Variants in DCHS2 observed in about 807,000 individuals in gnomAD.
The protein encoded by DCHS2 is protocadherin-23.
DCHS2 carries 142 observed loss-of-function variants against 182.4 expected under a neutral mutation model. That is an observed-to-expected ratio of 0.78 (90% CI 0.68 to 0.89). The LOEUF (loss-of-function observed/expected upper bound fraction) is 0.89, where lower values mean the gene tolerates loss of function less well. Among genes scored for constraint, DCHS2 ranks in the 40% least tolerant of loss-of-function variants. The pLI is 0.00. For missense variants in DCHS2, 4,319 were observed against 4,198.6 expected (o/e 1.03, Z -0.79); for synonymous variants, 1,740 against 1,663.3 (o/e 1.05, Z -1.12).
At chr4:154,426,482 G>T (rs1209883470) in intron 1 of DCHS2, among the ~76,000 whole-genome samples, 2 of 152,066 alleles carry the variant, frequency 1.3e-5, no homozygotes, top group African/African-American at 4.8e-5. Context: ...ACAGGTCTCC[G>T]CATAAGGTTA....
At chr4:154,453,634 C>A (rs965230860) in intron 1 of DCHS2, among the ~76,000 whole-genome samples, 1 of 152,112 alleles carries the variant, frequency 6.6e-6, no homozygotes, top group Admixed American at 6.6e-5. Context: ...TTTCAAAGCT[C>A]TATTCAGTCT....
chr4:154,259,818 A>C (rs1732890333), intron 14 of DCHS2, 62 bp from the exon 15 acceptor site: 7 of 1,439,342 alleles, frequency 4.9e-6, no homozygotes, highest in Non-Finnish European at 5.5e-6. Context: ...TTTATTTTTT[A>C]TTTTATTTAT....
At chr4:154,406,943 A>T (rs1732425416) in intron 1 of DCHS2, among the ~76,000 whole-genome samples, 1 of 152,232 alleles carries the variant, frequency 6.6e-6, no homozygotes, top group Non-Finnish European at 1.5e-5. Context: ...AAAAGAAAAA[A>T]GATGCCACAT....
chr4:154,470,309 C>A (rs116409098), intron 1 of DCHS2, among the ~76,000 whole-genome samples: 8,654 of 152,038 alleles, frequency 0.057, 317 homozygotes, highest in Non-Finnish European at 0.086. Context: ...CAAAGCAATA[C>A]CCCATCTGTA....
Position 154,236,153 on chromosome 4 carries a change from A to G in DCHS2, c.8499T>C (p.Asp2833=). The G allele has an allele frequency of 6.2e-7, 1 of 1,613,848 alleles. No individual in the cohort carries two copies. The highest frequency in any genetic ancestry group is 8.5e-7 in the Non-Finnish European group (1 of 1,179,960). The change falls in exon 20 of 20, where the codon GAT becomes GAC. Residue 2833 remains aspartate, a synonymous_variant. Transcript: ENST00000357232. ...AGTCAAGGATTTGCTTAGCATGAAT[A>G]TCCCCTGTCAAAGGGTCAATGAGGA... ...DLFLIDPLTG[D]IHAKQILDYE...
Position 154,490,748 on chromosome 4 carries a change from C to A in DCHS2, c.608G>T (p.Gly203Val), listed in dbSNP as rs929554474. 6.4e-7 allele frequency: 1 copy of A among 1,551,642 alleles called. No individual in the cohort carries two copies. The highest frequency in any genetic ancestry group is 8.7e-7 in the Non-Finnish European group (1 of 1,146,930). ...GTCGGACGGTTGCACCAGGGTGTAGCCCTGAGTGCTGAACAGTCCGGCGTC... is the reference window on the plus strand; with the variant it reads ...GTCGGACGGTTGCACCAGGGTGTAGACCTGAGTGCTGAACAGTCCGGCGTC... ...DPDAGLFSTQ[G>V]YTLVQPSDLP... The change falls in exon 1 of 20, where the codon GGC becomes GTC. Residue 203 changes from glycine to valine, a missense_variant. By Grantham distance (109) the Gly-to-Val change is moderately radical. Coordinates refer to ENST00000357232, the MANE Select transcript of DCHS2 (RefSeq NM_001358235.2).
chr4:154,371,226 T>C (rs538649551), intron 2 of DCHS2, among the ~76,000 whole-genome samples: 56 of 149,978 alleles, frequency 3.7e-4, no homozygotes, highest in African/African-American at 1.3e-3. Context: ...AGAGGAGAAG[T>C]ATCTATGGTA....
intron 13 of DCHS2, among the ~76,000 whole-genome samples, chr4:154,292,098 T>A (rs1734694781): frequency 6.6e-6 from 1 of 152,142 alleles, no homozygotes; most frequent in African/African-American, 2.4e-5. Context: ...CCTGCATAAA[T>A]TAAAAATTAA....
At chr4:154,382,837 T>C (rs1243144434) in intron 1 of DCHS2, among the ~76,000 whole-genome samples, 1 of 151,906 alleles carries the variant, frequency 6.6e-6, no homozygotes, top group Non-Finnish European at 1.5e-5. Context: ...TATTGAAAAG[T>C]CAAAAAATAA....
At chr4:154,333,899 G>T (rs998354733) in intron 4 of DCHS2, 1 of 185,616 alleles carries the variant, frequency 5.4e-6, no homozygotes, top group Non-Finnish European at 1.1e-5. Flanking sequence ...CGTTAAGGAC[G>T]CATGATTGTA....
intron 13 of DCHS2, among the ~76,000 whole-genome samples, chr4:154,274,602 G>A (rs568897670): frequency 7.9e-5 from 12 of 152,130 alleles, no homozygotes; most frequent in African/African-American, 2.6e-4. Flanking sequence ...AGTATCTGGC[G>A]TATTTTGCTC....
chr4:154,443,153 C>G (rs986495834), intron 1 of DCHS2, among the ~76,000 whole-genome samples: 2 of 152,062 alleles, frequency 1.3e-5, no homozygotes, highest in African/African-American at 4.8e-5. Context: ...TTAAAGTCAC[C>G]CCCATGCCCA....
chr4:154,287,499 G>T (rs1734457362), intron 13 of DCHS2, among the ~76,000 whole-genome samples: 4 of 152,114 alleles, frequency 2.6e-5, no homozygotes, highest in African/African-American at 7.2e-5. Context: ...AAAAATTTTT[G>T]ATAAGGAGCC....
chr4:154,483,782 A>C (rs538825673), intron 1 of DCHS2, among the ~76,000 whole-genome samples: 1 of 152,138 alleles, frequency 6.6e-6, no homozygotes, highest in Non-Finnish European at 1.5e-5. Context: ...TAGCATTATC[A>C]TCACAGAGAC....
intron 1 of DCHS2, among the ~76,000 whole-genome samples, chr4:154,385,529 C>T (rs1209769882): frequency 6.6e-6 from 1 of 152,134 alleles, no homozygotes; most frequent in Non-Finnish European, 1.5e-5. Context: ...AACTCCATCT[C>T]CAGGCTGGAG....
At chr4:154,241,917 A>G (rs556169182) in intron 17 of DCHS2, among the ~76,000 whole-genome samples, 55 of 152,210 alleles carry the variant, frequency 3.6e-4, no homozygotes, top group African/African-American at 1.2e-3. Flanking sequence ...ATTTGTTTAG[A>G]AAGTGAACAT....
chr4:154,338,702 A>G (rs1239611888), intron 3 of DCHS2, among the ~76,000 whole-genome samples: 1 of 152,240 alleles, frequency 6.6e-6, no homozygotes, highest in Non-Finnish European at 1.5e-5. Context: ...AAGAATGGAC[A>G]GTGCACTCTA....
At chr4:154,337,819 T>C (rs774744027) in intron 3 of DCHS2, among the ~76,000 whole-genome samples, 8 of 152,026 alleles carry the variant, frequency 5.3e-5, no homozygotes, top group Non-Finnish European at 1.2e-4. Context: ...CAGCTCACTG[T>C]GACCTCCGCC....
At chr4:154,321,326 G>T in intron 8 of DCHS2, 104 bp from the exon 9 acceptor site, 1 of 1,219,292 alleles carries the variant, frequency 8.2e-7, no homozygotes, top group Non-Finnish European at 1.1e-6. Context: ...CCATGTATGT[G>T]ATCATATGTT....
Sources: gnomAD v4.1 joint callset for allele counts (sites outside exome capture counted in the v4.1 genomes callset) on GRCh38, gnomAD v4.1.1 for gene constraint, MANE v1.5 for transcripts, NCBI Gene and HGNC (gene_info 2026-07-23, HGNC 2026-07-21) for gene names.